SGCG: variants seen among roughly 807,000 people sequenced by gnomAD.
The protein encoded by SGCG is gamma-sarcoglycan.
In SGCG, 26 loss-of-function variants were observed where a neutral mutation model predicts 29.3. The ratio of observed to expected loss-of-function variants is 0.89; its 90% confidence interval spans 0.65 to 1.23. SGCG has a LOEUF of 1.23. Ranked by LOEUF, SGCG falls within the 50% of genes most tolerant of loss-of-function variation. The probability of loss-of-function intolerance (pLI) is 0.00; values close to 1 mark genes in which losing one functional copy is unlikely to be tolerated. For synonymous variants in SGCG, 145 were observed against 129.7 expected (o/e 1.12, Z -0.80); for missense variants, 353 against 356.0 (o/e 0.99, Z 0.07).
At chr13:23,201,323 C>G (rs1314952654) in intron 1 of SGCG, among the ~76,000 whole-genome samples, 1 of 151,884 alleles carries the variant, frequency 6.6e-6, no homozygotes, top group Admixed American at 6.6e-5. Context: ...CACAGACATT[C>G]GTGTTCTAAT....
At chr13:23,271,562 G>C (rs1354466128) in intron 4 of SGCG, among the ~76,000 whole-genome samples, 2 of 152,226 alleles carry the variant, frequency 1.3e-5, no homozygotes, top group African/African-American at 2.4e-5. Flanking sequence ...TCCATGCCTA[G>C]ATACCACATT....
chr13:23,257,230 A>T (rs1375832238), intron 4 of SGCG, among the ~76,000 whole-genome samples: 2 of 151,796 alleles, frequency 1.3e-5, no homozygotes, highest in Non-Finnish European at 2.9e-5. Flanking sequence ...TTCGCTTCTT[A>T]TAAATTTGTT....
intron 6 of SGCG, among the ~76,000 whole-genome samples, chr13:23,318,143 T>C (rs1003476984): frequency 6.6e-6 from 1 of 152,202 alleles, no homozygotes; most frequent in African/African-American, 2.4e-5. Context: ...TTGTGGGACC[T>C]TGTGATCATG....
In SGCG at chr13:23,301,011, G is replaced by T. The variant is rs545473653; in HGVS notation, c.578+5524G>T. Among the ~76,000 whole-genome samples, 8 of 152,176 alleles carry T rather than the reference G, an allele frequency of 5.3e-5. No individual in the cohort carries two copies. In the South Asian group the frequency reaches 1.7e-3, roughly 32 times the overall value. ...GGCACCTGTAGTTCCAGCTACTCAG[G>T]AGGCTGAGGCAGGAGAATGGCGTGA... On this transcript the variant is annotated intron_variant, in intron 6 of 7. Coordinates refer to ENST00000218867, the MANE Select transcript of SGCG (RefSeq NM_000231.3).
chr13:23,194,545 G>A (rs751231450), intron 1 of SGCG, among the ~76,000 whole-genome samples: 41 of 152,138 alleles, frequency 2.7e-4, no homozygotes, highest in Non-Finnish European at 1.0e-4. Flanking sequence ...TCCAAGTGGC[G>A]GAGGGATGAA....
Position 23,324,832 on chromosome 13 carries a change from A to C in SGCG, c.*291A>C. 3 of 416,458 alleles carry C rather than the reference A, an allele frequency of 7.2e-6. No homozygotes were observed. The highest frequency in any genetic ancestry group is 4.5e-6 in the Non-Finnish European group (1 of 220,360). The allele number at this position is 416,458 out of a possible 1,614,324, so 25.8% of individuals were successfully genotyped here. ...AATTCTCTCTGCCTCGCCTCCCCCTATCTTGTCCGTGTGGGCACACACTGA... is the reference window on the plus strand; with the variant it reads ...AATTCTCTCTGCCTCGCCTCCCCCTCTCTTGTCCGTGTGGGCACACACTGA... On this transcript the variant is annotated 3_prime_UTR_variant, in exon 8 of 8. Transcript: ENST00000218867.
In SGCG at chr13:23,203,894, G is replaced by C; in HGVS notation, c.195+5G>C. 6.3e-7 allele frequency: 1 copy of C among 1,582,386 alleles called. No homozygotes were observed. Among genetic ancestry groups the C allele is most frequent in the Non-Finnish European group, 8.7e-7 (1 of 1,151,158 alleles). On this transcript the variant is annotated splice_donor_5th_base_variant and intron_variant, in intron 2 of 7. Transcript: ENST00000218867. Reference sequence around the variant, plus strand: ...AAAGTGATGTGGTTTTCTCCAGTAAGTATCATTATTTTCTGGTAAGCATGT... The same window carrying C: ...AAAGTGATGTGGTTTTCTCCAGTAACTATCATTATTTTCTGGTAAGCATGT...
rs376662396 is a variant in SGCG, at chr13:23,224,683, C to A, written c.196-9928C>A. On this transcript the variant is annotated intron_variant, in intron 2 of 7. Coordinates refer to ENST00000218867, the MANE Select transcript of SGCG (RefSeq NM_000231.3). Reference sequence around the variant, plus strand: ...GCACACATACACACACACACACACCCCACACCAGTGCAAGCACTGCTAACT... The same window carrying A: ...GCACACATACACACACACACACACCACACACCAGTGCAAGCACTGCTAACT... Among the ~76,000 whole-genome samples the A allele has an allele frequency of 1.5e-3, 231 of 151,748 alleles. 1 individual carries two copies. The highest frequency in any genetic ancestry group is 2.7e-3 in the Non-Finnish European group (182 of 67,938).
At position 23,234,648 on chromosome 13, in the gene SGCG, T is replaced by G; in HGVS notation, c.233T>G (p.Leu78Arg). The change falls in exon 3 of 8, where the codon CTG becomes CGG. Residue 78 changes from leucine to arginine, a missense_variant. Transcript: ENST00000218867. ...MGHLCVTKDG[L>R]RLEGESEFLF... ...CACTTGTGTGTAACAAAAGATGGAC[T>G]GCGCTTGGAAGGGGAATCAGAATTT... 6.2e-7 allele frequency: 1 copy of G among 1,613,222 alleles called. No individual in the cohort carries two copies. The highest frequency in any genetic ancestry group is 8.5e-7 in the Non-Finnish European group (1 of 1,179,340).
intron 1 of SGCG, among the ~76,000 whole-genome samples, chr13:23,197,948 A>G (rs757000872): frequency 8.9e-5 from 13 of 146,826 alleles, no homozygotes; most frequent in Non-Finnish European, 1.5e-4. Context: ...AAAAGTCCCA[A>G]TGGAAAAAAA....
intron 2 of SGCG, among the ~76,000 whole-genome samples, chr13:23,227,641 T>C (rs778489737): frequency 4.0e-4 from 61 of 152,102 alleles, no homozygotes; most frequent in Non-Finnish European, 7.8e-4. Context: ...ACATCAGATG[T>C]AGTATTTTAG....
chr13:23,263,875 A>G (rs546531138), intron 4 of SGCG, among the ~76,000 whole-genome samples: 1 of 152,150 alleles, frequency 6.6e-6, no homozygotes, highest in South Asian at 2.1e-4. Flanking sequence ...AAAATCTAGC[A>G]TTCTTTTCTG....
chr13:23,320,865 A>C (rs1293312777), intron 7 of SGCG, 105 bp downstream of exon 7: 2 of 1,231,766 alleles, frequency 1.6e-6, no homozygotes, highest in African/African-American at 3.0e-5. Context: ...TTTGTAGGAA[A>C]ACATTGTGAA....
At chr13:23,195,732 TA>T (rs1297693805) in intron 1 of SGCG, among the ~76,000 whole-genome samples, 2 of 152,070 alleles carry the variant, frequency 1.3e-5, no homozygotes, top group African/African-American at 2.4e-5. Context: ...ATGCTGATTA[TA>T]ACTTTGGATG....
chr13:23,296,022 A>G (rs1369003666), intron 6 of SGCG, among the ~76,000 whole-genome samples: 1 of 152,198 alleles, frequency 6.6e-6, no homozygotes, highest in Non-Finnish European at 1.5e-5. Flanking sequence ...GACCTCATGA[A>G]TGTCTGCTCA....
the SGCG span, among the ~76,000 whole-genome samples, chr13:23,172,458 C>T: frequency 6.6e-6 from 1 of 152,020 alleles, no homozygotes; most frequent in Non-Finnish European, 1.5e-5. Context: ...TTAGTAATAA[C>T]GATTTGTGCT....
At position 23,296,708 on chromosome 13, in the gene SGCG, G is replaced by A. The variant is rs572293197; in HGVS notation, c.578+1221G>A. On this transcript the variant is annotated intron_variant, in intron 6 of 7. Coordinates refer to ENST00000218867, the MANE Select transcript of SGCG (RefSeq NM_000231.3). Reference sequence around the variant, plus strand: ...TTTTCCTTTTGTGCCTAGTTTATCCGACTTAGCATACTTTCCTCACCCTTT... The same window carrying A: ...TTTTCCTTTTGTGCCTAGTTTATCCAACTTAGCATACTTTCCTCACCCTTT... Among the ~76,000 whole-genome samples the A allele has an allele frequency of 1.6e-4, 25 of 152,044 alleles. 1 individual carries two copies. The South Asian group carries it at 3.5e-3, about 22-fold the overall frequency.
intron 3 of SGCG, among the ~76,000 whole-genome samples, chr13:23,236,900 A>C (rs1879337461): frequency 6.6e-6 from 1 of 152,212 alleles, no homozygotes; most frequent in Non-Finnish European, 1.5e-5. Context: ...AGTGTTTTAT[A>C]ACTAACATGG....
At position 23,196,610 on chromosome 13, in the gene SGCG, T is replaced by G. The variant is rs551641577; in HGVS notation, c.1-7085T>G. On this transcript the variant is annotated intron_variant, in intron 1 of 7. Coordinates refer to ENST00000218867, the MANE Select transcript of SGCG (RefSeq NM_000231.3). ...TATACGTGTATTCATTGCTTGAGTT[T>G]TATTGGATTTTTTTCTGTTTTTGCT... Among the ~76,000 whole-genome samples, 5 of 142,976 alleles carry G rather than the reference T, an allele frequency of 3.5e-5. No homozygotes were observed. The South Asian group carries it at 8.5e-4, about 24-fold the overall frequency. The allele number at this position is 142,976 out of a possible 152,430, so 93.8% of individuals were successfully genotyped here. A position where few individuals can be genotyped will look rare whatever the true frequency, so the allele number is the denominator to read the frequency against.
Sources: allele counts gnomAD v4.1 joint callset (sites outside exome capture counted in the v4.1 genomes callset), GRCh38; gene constraint gnomAD v4.1.1; transcripts MANE v1.5; gene names NCBI Gene and HGNC (gene_info 2026-07-23, HGNC 2026-07-21).